Variants in CLSTN2 observed in about 807,000 individuals in gnomAD.
The protein encoded by CLSTN2 is calsyntenin-2.
CLSTN2 carries 48 observed loss-of-function variants against 101.2 expected under a neutral mutation model. The observed-to-expected ratio is 0.47, with a 90% CI of 0.38 to 0.60. CLSTN2 has a LOEUF of 0.60. Among genes scored for constraint, CLSTN2 ranks in the 20% least tolerant of loss-of-function variants. The pLI is 0.00. For synonymous variants in CLSTN2, 481 were observed against 463.6 expected (o/e 1.04, Z -0.48); for missense variants, 1,160 against 1,238.2 (o/e 0.94, Z 0.95).
At chr3:140,132,102 T>C (rs1008718821) in intron 1 of CLSTN2, among the ~76,000 whole-genome samples, 2 of 152,168 alleles carry the variant, frequency 1.3e-5, no homozygotes, top group East Asian at 3.9e-4. Context: ...ATAGCTCACA[T>C]GGAGAACTGC....
chr3:140,038,523 G>T (rs945551210), intron 1 of CLSTN2, among the ~76,000 whole-genome samples: 1 of 151,910 alleles, frequency 6.6e-6, no homozygotes, highest in Non-Finnish European at 1.5e-5. Flanking sequence ...TTTTCTTTCG[G>T]TGTGCAGACG....
At chr3:140,254,833 TTAAAC>T (rs1180802424) in intron 2 of CLSTN2, among the ~76,000 whole-genome samples, 5 of 152,102 alleles carry the variant, frequency 3.3e-5, no homozygotes, top group Non-Finnish European at 2.9e-5. Context: ...CAAGAGGGAC[TTAAAC>T]TAAAGACTTC....
intron 1 of CLSTN2, among the ~76,000 whole-genome samples, chr3:139,990,322 G>A (rs574348517): frequency 6.6e-6 from 1 of 152,230 alleles, no homozygotes; most frequent in East Asian, 1.9e-4. Context: ...TGGCGTAGGT[G>A]GGAGCACTCT....
At chr3:140,025,737 A>G (rs1196014433) in intron 1 of CLSTN2, among the ~76,000 whole-genome samples, 1 of 152,202 alleles carries the variant, frequency 6.6e-6, no homozygotes, top group Non-Finnish European at 1.5e-5. Context: ...CAAAATCTTC[A>G]GTGATATCTG....
chr3:140,222,431 T>G (rs573475165), intron 2 of CLSTN2, among the ~76,000 whole-genome samples: 1 of 152,260 alleles, frequency 6.6e-6, no homozygotes, highest in East Asian at 1.9e-4. Context: ...AGGGTGAGTA[T>G]AGTCAATAAT....
At chr3:140,258,936 T>TA in intron 2 of CLSTN2, among the ~76,000 whole-genome samples, 1 of 152,200 alleles carries the variant, frequency 6.6e-6, no homozygotes. Context: ...TATATGCAGA[T>TA]ATGTAAGTCA....
chr3:140,098,779 G>T (rs1282241908), intron 1 of CLSTN2, among the ~76,000 whole-genome samples: 4 of 152,210 alleles, frequency 2.6e-5, no homozygotes, highest in African/African-American at 9.6e-5. Context: ...TACTGAGCTA[G>T]ACTTTGTGCT....
chr3:140,481,664 A>G lies in CLSTN2; in HGVS notation c.1344+14933A>G, dbSNP rs957108836. On this transcript the variant is annotated intron_variant, in intron 8 of 16. Coordinates refer to ENST00000458420, the MANE Select transcript of CLSTN2 (RefSeq NM_022131.3). ...AGTTCTCCTTGAAGAGGTCCTTCAC[A>G]TCCCTTGTAAGTTGGATTCCTAGGT... is the stretch of plus-strand genomic sequence containing the variant. Among the ~76,000 whole-genome samples the G allele has an allele frequency of 7.3e-4, 111 of 152,094 alleles. No homozygotes were observed. In the East Asian group the frequency reaches 0.018, roughly 25 times the overall value.
At chr3:140,114,432 C>A (rs540249105) in intron 1 of CLSTN2, among the ~76,000 whole-genome samples, 1 of 152,218 alleles carries the variant, frequency 6.6e-6, no homozygotes, top group African/African-American at 2.4e-5. Flanking sequence ...TTCTATTTGT[C>A]TCCCTCACTG....
chr3:140,152,353 A>C (rs1025060004), intron 1 of CLSTN2, among the ~76,000 whole-genome samples: 1 of 151,890 alleles, frequency 6.6e-6, no homozygotes, highest in Non-Finnish European at 1.5e-5. Context: ...ACATTCTTCA[A>C]TCCCTCTCAG....
At chr3:140,148,246 T>C (rs2107812587) in intron 1 of CLSTN2, among the ~76,000 whole-genome samples, 1 of 152,068 alleles carries the variant, frequency 6.6e-6, no homozygotes, top group East Asian at 1.9e-4. Flanking sequence ...GGTAAAAACA[T>C]TGAGTGCTGT....
At chr3:140,011,506 C>G (rs1304328777) in intron 1 of CLSTN2, among the ~76,000 whole-genome samples, 2 of 152,142 alleles carry the variant, frequency 1.3e-5, no homozygotes, top group East Asian at 3.9e-4. Flanking sequence ...CTCTCTGAAC[C>G]TCAGAATCCA....
Position 140,044,962 on chromosome 3 carries a change from G to A in CLSTN2, c.109+109479G>A, listed in dbSNP as rs183857847. On this transcript the variant is annotated intron_variant, in intron 1 of 16. Coordinates refer to ENST00000458420, the MANE Select transcript of CLSTN2 (RefSeq NM_022131.3). ...TTTTATTGAGGATTTTTGCATCGAT[G>A]TTCATCAGGGATATTGGTCTAAAAT... Among the ~76,000 whole-genome samples, 436 of 152,302 alleles carry A rather than the reference G, an allele frequency of 2.9e-3. 3 individuals are homozygous for A. Among genetic ancestry groups the A allele is most frequent in the African/African-American group, 1.0e-2 (415 of 41,548 alleles).
intron 8 of CLSTN2, among the ~76,000 whole-genome samples, chr3:140,520,763 T>G (rs1223099874): frequency 2.0e-5 from 3 of 152,226 alleles, no homozygotes; most frequent in Non-Finnish European, 4.4e-5. Flanking sequence ...TTTTCCAAGT[T>G]GGTTCCATTC....
At chr3:140,305,998 G>C (rs553988838) in intron 2 of CLSTN2, among the ~76,000 whole-genome samples, 7 of 152,048 alleles carry the variant, frequency 4.6e-5, no homozygotes, top group East Asian at 1.9e-4. Flanking sequence ...TTTACTCTAA[G>C]AACAGACCAT....
intron 1 of CLSTN2, among the ~76,000 whole-genome samples, chr3:139,984,444 G>A (rs976721496): frequency 3.1e-4 from 47 of 152,206 alleles, no homozygotes; most frequent in African/African-American, 1.1e-3. Flanking sequence ...ACATTGACAG[G>A]GTCCTGTTCT....
At chr3:140,105,692 G>A (rs1400016678) in intron 1 of CLSTN2, among the ~76,000 whole-genome samples, 1 of 152,178 alleles carries the variant, frequency 6.6e-6, no homozygotes. Context: ...CCGGCACCAT[G>A]GGCCCCAGCT....
At chr3:140,158,346 T>C (rs1269644648) in intron 1 of CLSTN2, among the ~76,000 whole-genome samples, 1 of 152,174 alleles carries the variant, frequency 6.6e-6, no homozygotes, top group Non-Finnish European at 1.5e-5. Flanking sequence ...ATAAATGACT[T>C]TTTTCCATGA....
At chr3:140,537,774 A>G (rs1041096551) in intron 9 of CLSTN2, among the ~76,000 whole-genome samples, 5 of 152,188 alleles carry the variant, frequency 3.3e-5, no homozygotes, top group Non-Finnish European at 7.3e-5. Context: ...CAAAAATTCA[A>G]GTTCTACTCA....
Sources: allele counts gnomAD v4.1 joint callset (sites outside exome capture counted in the v4.1 genomes callset), GRCh38; gene constraint gnomAD v4.1.1; transcripts MANE v1.5; gene names NCBI Gene and HGNC (gene_info 2026-07-23, HGNC 2026-07-21).